The following LIPG variants were observed in gnomAD, a reference collection of about 807,000 sequenced individuals.
LIPG encodes lipase G, endothelial type, also known as endothelial lipase.
A neutral mutation model predicts 51.8 loss-of-function variants in LIPG; 34 were observed. The ratio of observed to expected loss-of-function variants is 0.66; its 90% CI spans 0.50 to 0.87. The LOEUF (loss-of-function observed/expected upper bound fraction) is 0.87, where lower values mean the gene tolerates loss of function less well. LIPG is among the 40% of genes least tolerant of loss of function. The pLI is 0.00. For synonymous variants in LIPG, 246 were observed against 246.1 expected (o/e 1.00, Z 0.00); for missense variants, 580 against 652.7 (o/e 0.89, Z 1.21).
rs973758225 is a variant in LIPG, at chr18:49,597,164, T to C, written c.*6642T>C. On this transcript the variant is annotated 3_prime_UTR_variant, in exon 10 of 10. Coordinates refer to ENST00000261292, the MANE Select transcript of LIPG (RefSeq NM_006033.4). Reference sequence around the variant, plus strand: ...ACAAAAGGAAAGGTTCCTGTTGGGATAGAGAAACAGTGGAGCAGGGCAGCC... The same window carrying C: ...ACAAAAGGAAAGGTTCCTGTTGGGACAGAGAAACAGTGGAGCAGGGCAGCC... 7 of 152,172 alleles carry C rather than the reference T, an allele frequency of 4.6e-5. No homozygotes were observed. Among genetic ancestry groups the C allele is most frequent in the African/African-American group, 9.7e-5 (4 of 41,440 alleles). The allele number at this position is 152,172 out of a possible 1,614,324, so 9.4% of individuals were successfully genotyped here.
rs2084882527 is a variant in LIPG at position 49,586,596 on chromosome 18, G to A, written c.1377-150G>A. Reference sequence around the variant, plus strand: ...TGAGACACAGGTTAGAGTCCCTGCAGTAGTGATGGGGAATTCTGAAGGCTT... The same window carrying A: ...TGAGACACAGGTTAGAGTCCCTGCAATAGTGATGGGGAATTCTGAAGGCTT... On this transcript the variant is annotated intron_variant, in intron 8 of 9. Coordinates refer to ENST00000261292, the MANE Select transcript of LIPG (RefSeq NM_006033.4). The A allele has an allele frequency of 8.7e-6, 6 of 686,368 alleles. No individual in the cohort carries two copies. In the Admixed American group the frequency reaches 1.2e-4, roughly 14 times the overall value. The allele number at this position is 686,368 out of a possible 1,614,324, so 42.5% of individuals were successfully genotyped here. A position where few individuals can be genotyped will look rare whatever the true frequency, so the allele number is the denominator to read the frequency against.
rs749702334 is a variant in LIPG, at chr18:49,582,394, A to G, written c.1069A>G (p.Ser357Gly). The G allele has an allele frequency of 1.9e-6, 3 of 1,614,014 alleles. No homozygotes were observed. The highest frequency in any genetic ancestry group is 2.5e-6 in the Non-Finnish European group (3 of 1,179,842). Residue 357 changes from serine to glycine, a missense_variant, in exon 7 of 10, where the codon AGT (serine) becomes GGT (glycine). Coordinates refer to ENST00000261292, the MANE Select transcript of LIPG (RefSeq NM_006033.4). The part of the protein sequence containing the change: ...YHYQMKIHVF[S>G]YKNMGEIEPT... ...TTATCAGATGAAAATCCATGTCTTCAGTTACAAGAACATGGGAGAAATTGA... is the reference window on the plus strand; with the variant it reads ...TTATCAGATGAAAATCCATGTCTTCGGTTACAAGAACATGGGAGAAATTGA...
intron 4 of LIPG, among the ~76,000 whole-genome samples, chr18:49,570,777 C>T (rs373781759): frequency 2.6e-5 from 4 of 152,034 alleles, no homozygotes; most frequent in Admixed American, 1.3e-4. Flanking sequence ...TGCAGTGAGC[C>T]GAGATTGTGC....
In LIPG at chr18:49,587,504, G is replaced by A. The variant is rs1019784623; in HGVS notation, c.1481+654G>A. On this transcript the variant is annotated intron_variant, in intron 9 of 9. Transcript: ENST00000261292. The stretch of plus-strand genomic sequence containing the variant: ...GAATGGTATGAACCTGGGAGGAAGA[G>A]CTTGCAGTGAGCTGAGATTGCACCA... Among the ~76,000 whole-genome samples, 64 of 139,986 alleles carry A rather than the reference G, an allele frequency of 4.6e-4. 1 individual carries two copies. Among genetic ancestry groups the A allele is most frequent in the African/African-American group, 1.7e-3 (63 of 36,628 alleles). 91.8% of individuals were successfully genotyped at this position (139,986 alleles called of 152,430 possible).
chr18:49,569,998 C>A (rs1396677651), intron 4 of LIPG, among the ~76,000 whole-genome samples: 1 of 152,214 alleles, frequency 6.6e-6, no homozygotes, highest in Non-Finnish European at 1.5e-5. Context: ...GCCCTGGCCC[C>A]AAAGCTTTTG....
chr18:49,563,601 A>G (rs56221808), intron 1 of LIPG, among the ~76,000 whole-genome samples: 2,834 of 151,494 alleles, frequency 0.019, 33 homozygotes, highest in Non-Finnish European at 0.028. Flanking sequence ...TATGGAGAAA[A>G]ATCAAGCAGA....
intron 4 of LIPG, among the ~76,000 whole-genome samples, chr18:49,570,485 A>G (rs2084650972): frequency 6.6e-6 from 1 of 152,120 alleles, no homozygotes; most frequent in Non-Finnish European, 1.5e-5. Context: ...AAGGGTGATC[A>G]CCTAGAAGGA....
At chr18:49,582,077 G>C (rs546991719) in intron 6 of LIPG, among the ~76,000 whole-genome samples, 1 of 152,296 alleles carries the variant, frequency 6.6e-6, no homozygotes, top group South Asian at 2.1e-4. Context: ...AGGAAGTTGA[G>C]GCTCAGAGAG....
chr18:49,591,048 T>G lies in LIPG; in HGVS notation c.*526T>G. The G allele has an allele frequency of 6.0e-5, 12 of 198,410 alleles. No homozygotes were observed. The highest frequency in any genetic ancestry group is 2.4e-4 in the East Asian group (2 of 8,472). 12.3% of individuals were successfully genotyped at this position (198,410 alleles called of 1,614,324 possible). ...GGTTGCACTGACCATACTGCTTACG[T>G]CTTAGCCATTCCGTCCTGCTCCCCA... On this transcript the variant is annotated 3_prime_UTR_variant, in exon 10 of 10. Coordinates refer to ENST00000261292, the MANE Select transcript of LIPG (RefSeq NM_006033.4).
chr18:49,588,886 A>C (rs1600571194), intron 9 of LIPG, among the ~76,000 whole-genome samples: 1 of 152,084 alleles, frequency 6.6e-6, no homozygotes, highest in South Asian at 2.1e-4. Flanking sequence ...CTGCTGTGGT[A>C]CACCTAGCAC....
chr18:49,569,363 T>C, intron 3 of LIPG, 74 bp from the exon 4 acceptor site: 1 of 1,238,172 alleles, frequency 8.1e-7, no homozygotes, highest in Non-Finnish European at 1.2e-6. Context: ...CGTGACTGAG[T>C]TGTTGAACTG....
At chr18:49,578,529 A>G (rs1221497576) in intron 5 of LIPG, among the ~76,000 whole-genome samples, 86 of 143,796 alleles carry the variant, frequency 6.0e-4, no homozygotes, top group Non-Finnish European at 1.2e-3. Context: ...GACGCTCCTC[A>G]CTTTCCAGAC....
In LIPG at chr18:49,592,632, CAT is replaced by C. The variant is rs1315846760; in HGVS notation, c.*2113_*2114del. Reference sequence around the variant, plus strand: ...ATTTTTGGATTAGGGTTGCTCAACCCATATTATTGGCTGTACATCCTGGTCAC... The same window carrying C: ...ATTTTTGGATTAGGGTTGCTCAACCCATTATTGGCTGTACATCCTGGTCAC... On this transcript the variant is annotated 3_prime_UTR_variant, in exon 10 of 10. Transcript: ENST00000261292. The C allele has an allele frequency of 6.5e-6, 1 of 153,492 alleles. No homozygotes were observed. Among genetic ancestry groups the C allele is most frequent in the African/African-American group, 2.4e-5 (1 of 41,440 alleles). The allele number at this position is 153,492 out of a possible 1,614,324, so 9.5% of individuals were successfully genotyped here.
rs59195746 is a variant in LIPG at position 49,565,207 on chromosome 18, G to A, written c.98-110G>A. ...GGAACATTCAGCAGATGTAAAAACC[G>A]AAACCCAGATGGCTTAAGCAAATTG... is the stretch of plus-strand genomic sequence containing the variant. On this transcript the variant is annotated intron_variant, in intron 1 of 9. Coordinates refer to ENST00000261292, the MANE Select transcript of LIPG (RefSeq NM_006033.4). 4,097 of 1,075,800 alleles carry A rather than the reference G, an allele frequency of 3.8e-3. 100 individuals are homozygous for A. In the African/African-American group the frequency reaches 0.056, roughly 15 times the overall value. 66.6% of individuals were successfully genotyped at this position (1,075,800 alleles called of 1,614,324 possible). A position where few individuals can be genotyped will look rare whatever the true frequency, so the allele number is the denominator to read the frequency against.
At chr18:49,583,879 C>T in intron 8 of LIPG, 105 bp downstream of exon 8, 2 of 1,037,400 alleles carry the variant, frequency 1.9e-6, no homozygotes, top group Non-Finnish European at 2.8e-6. Context: ...ATCCTTCCCT[C>T]CAGCATGCAG....
intron 8 of LIPG, among the ~76,000 whole-genome samples, chr18:49,585,249 G>A (rs2084868983): frequency 6.6e-6 from 1 of 152,050 alleles, no homozygotes. Context: ...TTTTATTACA[G>A]ACGGGGTTTC....
chr18:49,567,067 T>G (rs1482860874), intron 2 of LIPG, among the ~76,000 whole-genome samples: 1 of 152,248 alleles, frequency 6.6e-6, no homozygotes, highest in African/African-American at 2.4e-5. Context: ...CTGGGCATGG[T>G]GGCTCACGCC....
chr18:49,572,799 A>G (rs2084677455), intron 4 of LIPG, among the ~76,000 whole-genome samples: 1 of 151,816 alleles, frequency 6.6e-6, no homozygotes, highest in African/African-American at 2.4e-5. Flanking sequence ...GCCAGAATGC[A>G]CAGCCCTGGA....
chr18:49,582,560 G>A, intron 7 of LIPG, 78 bp downstream of exon 7: 1 of 1,584,750 alleles, frequency 6.3e-7, no homozygotes, highest in Non-Finnish European at 8.7e-7. Context: ...AAGGGAGCGT[G>A]TGAACGAGTA....
Sources: allele counts gnomAD v4.1 joint callset (sites outside exome capture counted in the v4.1 genomes callset), GRCh38; gene constraint gnomAD v4.1.1; transcripts MANE v1.5; gene names NCBI Gene and HGNC (gene_info 2026-07-23, HGNC 2026-07-21).